Variants in ZNF180 observed in about 807,000 individuals in gnomAD.
ZNF180 encodes the protein zinc finger protein 180, also known as zinc finger protein 180 (HHZ168).
Under a neutral mutation model 11.8 loss-of-function variants are expected in ZNF180, and 11 were observed. The observed-to-expected ratio is 0.93, with a 90% CI of 0.59 to 1.55. The LOEUF (loss-of-function observed/expected upper bound fraction) is 1.55. Among genes scored for constraint, ZNF180 ranks in the 40% most tolerant of loss-of-function variants. The pLI is 0.00. For synonymous variants in ZNF180, 287 were observed against 257.7 expected, an observed-to-expected ratio of 1.11 and a Z score of -1.09; for missense variants, 773 against 781.7, an observed-to-expected ratio of 0.99 and a Z score of 0.13.
Position 44,476,815 on chromosome 19 carries a change from T to G in ZNF180, c.1585A>C (p.Lys529Gln). 1 of 1,614,158 alleles carries G rather than the reference T, an allele frequency of 6.2e-7. No individual in the cohort carries two copies. The change falls in exon 5 of 5, where the codon AAA becomes CAA. Residue 529 changes from lysine to glutamine, a missense_variant. Coordinates refer to ENST00000592529, the MANE Select transcript of ZNF180 (RefSeq NM_001278509.3). ...AGGTGAGAACTGCGGTTAAAAGATT[T>G]TCCACATTCACTACATTCATACGGT... ...EKPYECSECG[K>Q]SFNRSSHLVM...
At position 44,495,579 on chromosome 19, in the gene ZNF180, G is replaced by A. The variant is rs1245469520; in HGVS notation, c.51+1705C>T. Among the ~76,000 whole-genome samples, 1 of 152,028 alleles carries A rather than the reference G, an allele frequency of 6.6e-6. No individual in the cohort carries two copies. Among genetic ancestry groups the A allele is most frequent in the Non-Finnish European group, 1.5e-5 (1 of 67,996 alleles). On this transcript the variant is annotated intron_variant, in intron 2 of 4. Coordinates refer to ENST00000592529, the MANE Select transcript of ZNF180 (RefSeq NM_001278509.3). This position sits in a 1 kb window ranked among gnomAD's most constrained non-coding sequence, Gnocchi z 4.5. ...CTGGCTCCAACACCCCATCTACCAT[G>A]GACACCTGCTCACTGCACTTGGGCT... is the stretch of plus-strand genomic sequence containing the variant.
chr19:44,485,228 T>G (rs1970198389), intron 2 of ZNF180: 1 of 151,178 alleles, frequency 6.6e-6, no homozygotes. Context: ...TCTATACTAT[T>G]AAGACTTCTT....
intron 2 of ZNF180, among the ~76,000 whole-genome samples, chr19:44,493,839 C>T (rs4802226): frequency 0.093 from 14,141 of 152,204 alleles, 984 homozygotes; most frequent in Admixed American, 0.22. Flanking sequence ...CTCTGGTGTA[C>T]AGCACCTCTT....
At chr19:44,488,553 C>T (rs989747511) in intron 2 of ZNF180, among the ~76,000 whole-genome samples, 7 of 152,066 alleles carry the variant, frequency 4.6e-5, no homozygotes, top group African/African-American at 1.4e-4. Flanking sequence ...GACGGAGTCT[C>T]GTTCACTCAG....
At chr19:44,489,309 G>A (rs1257655082) in intron 2 of ZNF180, among the ~76,000 whole-genome samples, 13 of 141,490 alleles carry the variant, frequency 9.2e-5, no homozygotes, top group Non-Finnish European at 1.6e-4. Context: ...GGGGAAAGGT[G>A]GGGAAAAGAT....
intron 3 of ZNF180, among the ~76,000 whole-genome samples, 161 bp downstream of exon 3, chr19:44,484,200 G>A (rs991688830): frequency 2.0e-5 from 3 of 151,832 alleles, no homozygotes; most frequent in African/African-American, 4.8e-5. Flanking sequence ...GGGTTTCACC[G>A]TGTTAGCCAG....
intron 3 of ZNF180, among the ~76,000 whole-genome samples, chr19:44,481,379 A>C (rs1365909992): frequency 2.6e-5 from 4 of 152,222 alleles, no homozygotes; most frequent in African/African-American, 9.6e-5. Context: ...AAATTCAAAA[A>C]ATAACTCGCC....
At position 44,476,906 on chromosome 19, in the gene ZNF180, C is replaced by T; in HGVS notation, c.1494G>A (p.Gln498=). The change falls in exon 5 of 5, where the codon CAG becomes CAA. Residue 498 remains glutamine (Q), a synonymous_variant. Transcript: ENST00000592529. ...HTGEKPFECN[Q]CGKSFSWSSQ... is the part of the protein sequence containing the mutation. ...AGCTCCAGCTGAAGGATTTCCCACA[C>T]TGATTACATTCAAAGGGTTTTTCTC... 1 of 1,613,942 alleles carries T rather than the reference C, an allele frequency of 6.2e-7. No homozygotes were observed. Among genetic ancestry groups the T allele is most frequent in the Non-Finnish European group, 8.5e-7 (1 of 1,179,970 alleles).
chr19:44,476,729 T>C lies in ZNF180; in HGVS notation c.1671A>G (p.Lys557=). ...CAAGAACATAACTCTGGCTGAAGGA[T>C]TTCCCACACTGATTACATTCATACG... ...EKPYECNQCG[K]SFSQSYVLVV... The change falls in exon 5 of 5, where the codon AAA becomes AAG. Residue 557 remains lysine, a synonymous_variant. Transcript: ENST00000592529. 6.2e-7 allele frequency: 1 copy of C among 1,614,172 alleles called. No individual in the cohort carries two copies.
At chr19:44,493,085 C>T (rs1395730032) in intron 2 of ZNF180, among the ~76,000 whole-genome samples, 1 of 152,210 alleles carries the variant, frequency 6.6e-6, no homozygotes, top group Non-Finnish European at 1.5e-5. Flanking sequence ...TCCTCACGCA[C>T]AAGAAAATTC....
intron 2 of ZNF180, among the ~76,000 whole-genome samples, chr19:44,485,886 G>T (rs967909311): frequency 1.3e-5 from 2 of 151,696 alleles, no homozygotes; most frequent in Non-Finnish European, 2.9e-5. Context: ...TTTTATTTTT[G>T]TTTTTTTAAA....
intron 1 of ZNF180, 99 bp downstream of exon 1, chr19:44,500,176 C>CA (rs1351325904): frequency 6.2e-7 from 1 of 1,614,054 alleles, no homozygotes; most frequent in African/African-American, 1.3e-5. Context: ...GCACAGATAC[C>CA]AGGTCTCCCC....
In ZNF180 at chr19:44,497,373, C is replaced by A; in HGVS notation, c.-39G>T. The A allele has an allele frequency of 6.3e-7, 1 of 1,593,452 alleles. No homozygotes were observed. ...CACAGCAGGGTGCTGAGGTCCTGAGCTGCACTGAGAGAAGCCCCAAGTACA... is the reference window on the plus strand; with the variant it reads ...CACAGCAGGGTGCTGAGGTCCTGAGATGCACTGAGAGAAGCCCCAAGTACA... On this transcript the variant is annotated 5_prime_UTR_variant, in exon 2 of 5. Transcript: ENST00000592529.
rs534793947 is a variant in ZNF180 at position 44,476,544 on chromosome 19, G to A, written c.1856C>T (p.Ala619Val). 48 of 1,614,012 alleles carry A rather than the reference G, an allele frequency of 3.0e-5. 1 individual carries two copies. The South Asian group carries it at 4.8e-4, about 16-fold the overall frequency. Residue 619 changes from alanine to valine, a missense_variant, in exon 5 of 5, where the codon GCT (alanine) becomes GTT (valine). Ala to Val is a moderately conservative substitution (Grantham distance 64). Coordinates refer to ENST00000592529, the MANE Select transcript of ZNF180 (RefSeq NM_001278509.3). ...NQCGKTFSLS[A>V]RLIVHQRTHT... ...AGTTCTTTGATGCACAATAAGTCGA[G>A]CACTCAAGCTAAATGTTTTTCCACA...
At chr19:44,479,581 C>T in intron 3 of ZNF180, 172 bp from the exon 4 acceptor site, 1 of 786,066 alleles carries the variant, frequency 1.3e-6, no homozygotes, top group Non-Finnish European at 2.0e-6. Flanking sequence ...TCTGGGTGAG[C>T]TCTTTGGGTT....
Position 44,477,230 on chromosome 19 carries a change from G to A in ZNF180, c.1170C>T (p.Ser390=). 2 of 1,613,942 alleles carry A rather than the reference G, an allele frequency of 1.2e-6. No homozygotes were observed. Among genetic ancestry groups the A allele is most frequent in the Non-Finnish European group, 1.7e-6 (2 of 1,179,970 alleles). The change falls in exon 5 of 5, where the codon TCC becomes TCT. Residue 390 remains serine, a synonymous_variant. Coordinates refer to ENST00000592529, the MANE Select transcript of ZNF180 (RefSeq NM_001278509.3). ...KPYRCNQCGK[S]FSQSYVLVVH... ...CAACAAGGACATAACTCTGGCTAAA[G>A]GATTTCCCACATTGATTACACCTGT...
chr19:44,498,674 G>A (rs1970653646), intron 1 of ZNF180, among the ~76,000 whole-genome samples: 1 of 152,130 alleles, frequency 6.6e-6, no homozygotes, highest in Non-Finnish European at 1.5e-5. Flanking sequence ...CACAAGGGGT[G>A]CCTGACACAG....
At chr19:44,488,682 C>T (rs995866251) in intron 2 of ZNF180, among the ~76,000 whole-genome samples, 1 of 151,948 alleles carries the variant, frequency 6.6e-6, no homozygotes, top group Admixed American at 6.5e-5. Context: ...TGCCCAGCTG[C>T]CACCCCGTCT....
chr19:44,486,939 G>T (rs1361723772), intron 2 of ZNF180, among the ~76,000 whole-genome samples: 2 of 152,146 alleles, frequency 1.3e-5, no homozygotes, highest in East Asian at 3.8e-4. Context: ...AGCTACTTGG[G>T]AGGCTAAGGC....
Sources: allele counts gnomAD v4.1 joint callset (sites outside exome capture counted in the v4.1 genomes callset), GRCh38; gene constraint gnomAD v4.1.1; non-coding constraint Gnocchi (gnomAD v3.1); transcripts MANE v1.5; gene names NCBI Gene and HGNC (gene_info 2026-07-23, HGNC 2026-07-21).